The following RPTOR variants were observed in gnomAD, a reference collection of about 807,000 sequenced individuals.
RPTOR encodes regulatory associated protein of MTOR complex 1, also known as regulatory-associated protein of mTOR.
Under a neutral mutation model 169.9 loss-of-function variants are expected in RPTOR, and 21 were observed. The observed-to-expected ratio is 0.12, with a 90% confidence interval of 0.09 to 0.18. The LOEUF is 0.18. Among genes scored for constraint, RPTOR ranks in the 10% least tolerant of loss-of-function variants. The pLI is 1.00. For synonymous variants in RPTOR, 732 were observed against 753.2 expected (o/e 0.97, Z 0.46); for missense variants, 1,133 against 1,855.9 (o/e 0.61, Z 7.16).
intron 7 of RPTOR, among the ~76,000 whole-genome samples, chr17:80,815,029 G>C (rs1299546686): frequency 1.3e-5 from 2 of 152,246 alleles, no homozygotes; most frequent in African/African-American, 4.8e-5. Flanking sequence ...AGTCTGACAT[G>C]GCTGGAAAGC....
chr17:80,905,754 G>A (rs2068534294), intron 20 of RPTOR, among the ~76,000 whole-genome samples: 2 of 152,194 alleles, frequency 1.3e-5, no homozygotes, highest in Admixed American at 1.3e-4. Flanking sequence ...CATTGTGGGT[G>A]AGGCTTGAGC....
chr17:80,580,707 C>T (rs1047037708), intron 1 of RPTOR, among the ~76,000 whole-genome samples: 1 of 152,104 alleles, frequency 6.6e-6, no homozygotes, highest in East Asian at 1.9e-4. Flanking sequence ...GCTGTAGCCT[C>T]GAACTCCTCA....
intron 3 of RPTOR, among the ~76,000 whole-genome samples, chr17:80,681,308 A>G (rs1232742939): frequency 6.6e-6 from 1 of 152,198 alleles, no homozygotes; most frequent in East Asian, 1.9e-4. Context: ...AGAGTGCCTG[A>G]GTTGTGGAAA....
intron 11 of RPTOR, among the ~76,000 whole-genome samples, chr17:80,850,553 G>C (rs1309860093): frequency 6.6e-6 from 1 of 152,152 alleles, no homozygotes; most frequent in Non-Finnish European, 1.5e-5. Flanking sequence ...GGGATATCAG[G>C]TGTGCACCAC....
intron 7 of RPTOR, among the ~76,000 whole-genome samples, chr17:80,795,685 G>A (rs2067094555): frequency 6.6e-6 from 1 of 152,110 alleles, no homozygotes; most frequent in African/African-American, 2.4e-5. Context: ...ATGGACGTTG[G>A]AGTCCGAGCA....
intron 11 of RPTOR, among the ~76,000 whole-genome samples, chr17:80,852,080 C>T (rs551256991): frequency 6.6e-6 from 1 of 152,278 alleles, no homozygotes; most frequent in South Asian, 2.1e-4. Flanking sequence ...AGAGTCAGTC[C>T]TTAAAACCTT....
At chr17:80,742,942 A>G (rs1270409432) in intron 5 of RPTOR, among the ~76,000 whole-genome samples, 1 of 144,684 alleles carries the variant, frequency 6.9e-6, no homozygotes, top group Non-Finnish European at 1.6e-5. Flanking sequence ...ACACTCACCT[A>G]TACACACACA....
At chr17:80,567,310 G>T (rs1213915723) in intron 1 of RPTOR, among the ~76,000 whole-genome samples, 1 of 150,924 alleles carries the variant, frequency 6.6e-6, no homozygotes, top group African/African-American at 2.4e-5. Context: ...TTTTGGTGGT[G>T]GTTCTAAGAT....
chr17:80,774,214 G>A, intron 6 of RPTOR: 2 of 985,386 alleles, frequency 2.0e-6, no homozygotes, highest in Non-Finnish European at 2.4e-6. Context: ...CCCGCCTTGA[G>A]TTCTCGGTTC....
chr17:80,711,884 C>T (rs1456973660), intron 4 of RPTOR, among the ~76,000 whole-genome samples: 1 of 151,744 alleles, frequency 6.6e-6, no homozygotes, highest in Non-Finnish European at 1.5e-5. Context: ...GCTGGGATTA[C>T]AGGCGCCCGC....
chr17:80,939,292 A>G (rs138674034), intron 24 of RPTOR, among the ~76,000 whole-genome samples: 49 of 152,292 alleles, frequency 3.2e-4, no homozygotes, highest in African/African-American at 1.1e-3. Flanking sequence ...GTATTTGCCA[A>G]GTGTGGACCT....
intron 10 of RPTOR, among the ~76,000 whole-genome samples, chr17:80,843,978 A>G (rs1189764292): frequency 6.6e-6 from 1 of 152,190 alleles, no homozygotes; most frequent in African/African-American, 2.4e-5. Context: ...TGGCCGGGCA[A>G]CCCAGACGCT....
intron 28 of RPTOR, among the ~76,000 whole-genome samples, chr17:80,955,391 T>C (rs541226661): frequency 6.6e-6 from 1 of 152,318 alleles, no homozygotes; most frequent in Non-Finnish European, 1.5e-5. Context: ...AAGGATGCAG[T>C]GATACCCCTA....
intron 9 of RPTOR, among the ~76,000 whole-genome samples, chr17:80,827,308 G>A (rs1246540608): frequency 2.6e-5 from 4 of 152,224 alleles, no homozygotes; most frequent in African/African-American, 9.6e-5. Flanking sequence ...CAGCAGTGTC[G>A]CTGCAGACTT....
At chr17:80,893,565 T>A in intron 19 of RPTOR, 142 bp from the exon 20 acceptor site, 1 of 999,020 alleles carries the variant, frequency 1.0e-6, no homozygotes, top group Admixed American at 2.7e-5. Flanking sequence ...CGCACCAGGG[T>A]GTGTGTGTAC....
chr17:80,964,223 G>A (rs373100364), intron 33 of RPTOR, 39 bp from the exon 34 acceptor site: 45 of 982,124 alleles, frequency 4.6e-5, no homozygotes, highest in East Asian at 3.2e-4. Context: ...GTGTCTGCCC[G>A]CACCTGAACC....
intron 9 of RPTOR, among the ~76,000 whole-genome samples, chr17:80,825,398 TAG>T (rs1319272630): frequency 6.6e-6 from 1 of 152,290 alleles, no homozygotes; most frequent in East Asian, 1.9e-4. Flanking sequence ...CATCTCTGTC[TAG>T]AGACTGCTTT....
intron 3 of RPTOR, among the ~76,000 whole-genome samples, chr17:80,677,054 C>T (rs898665871): frequency 1.3e-5 from 2 of 152,152 alleles, no homozygotes; most frequent in Non-Finnish European, 2.9e-5. Context: ...CCTGGGAGGG[C>T]GGGAAGGCTG....
At chr17:80,920,119 C>T (rs1310760157) in intron 21 of RPTOR, among the ~76,000 whole-genome samples, 2 of 152,234 alleles carry the variant, frequency 1.3e-5, no homozygotes, top group Non-Finnish European at 2.9e-5. Context: ...CTCCCTGGTC[C>T]TCTGCCTTTG....
Sources: gnomAD v4.1 joint callset for allele counts (sites outside exome capture counted in the v4.1 genomes callset) on GRCh38, gnomAD v4.1.1 for gene constraint, MANE v1.5 for transcripts, NCBI Gene and HGNC (gene_info 2026-07-23, HGNC 2026-07-21) for gene names.